DYNC1I1: variants seen among roughly 807,000 people sequenced by gnomAD.
DYNC1I1 encodes the protein dynein cytoplasmic 1 intermediate chain 1.
DYNC1I1 carries 43 observed loss-of-function variants against 86.6 expected under a neutral mutation model. That is an observed-to-expected ratio of 0.50 (90% CI 0.39 to 0.64). The LOEUF (loss-of-function observed/expected upper bound fraction) is 0.64. DYNC1I1 is among the 30% of genes least tolerant of loss of function. The pLI, the probability that DYNC1I1 is intolerant of heterozygous loss-of-function variation, is 0.00. For synonymous variants in DYNC1I1, 262 were observed against 283.7 expected (o/e 0.92, Z 0.77); for missense variants, 604 against 788.8 (o/e 0.77, Z 2.81).
At chr7:96,020,482 GC>G (rs1794516598) in intron 10 of DYNC1I1, among the ~76,000 whole-genome samples, 1 of 152,096 alleles carries the variant, frequency 6.6e-6, no homozygotes, top group South Asian at 2.1e-4. Context: ...GGAAAGACCT[GC>G]CCCCATGATC....
Position 96,084,429 on chromosome 7 carries a change from T to C in DYNC1I1, c.1776+3941T>C, listed in dbSNP as rs1250117353. Among the ~76,000 whole-genome samples the C allele has an allele frequency of 2.1e-5, 3 of 145,062 alleles. No homozygotes were observed. In the East Asian group the frequency reaches 6.5e-4, roughly 32 times the overall value. On this transcript the variant is annotated intron_variant, in intron 16 of 16. Transcript: ENST00000447467. The stretch of plus-strand genomic sequence containing the variant: ...CAATCTTCTCATTACCTGTTTCTCT[T>C]TTTTTTTCTTTTCTTTTTTTTTTTT...
chr7:96,051,091 AT>A (rs534995482), intron 14 of DYNC1I1, among the ~76,000 whole-genome samples: 3 of 151,986 alleles, frequency 2.0e-5, no homozygotes, highest in South Asian at 2.1e-4. Flanking sequence ...GTTTTGGATA[AT>A]TTTTTTTCCT....
At chr7:95,800,475 G>C (rs1794550761) in intron 1 of DYNC1I1, among the ~76,000 whole-genome samples, 1 of 152,136 alleles carries the variant, frequency 6.6e-6, no homozygotes, top group African/African-American at 2.4e-5. Flanking sequence ...AGTGAGGAAG[G>C]GGAGATGCCA....
intron 6 of DYNC1I1, among the ~76,000 whole-genome samples, chr7:95,938,233 C>CT (rs770299575): frequency 2.6e-5 from 4 of 152,162 alleles, no homozygotes; most frequent in Non-Finnish European, 4.4e-5. Context: ...GGTTGCATAT[C>CT]TTTGCTCACT....
At chr7:95,802,802 C>T (rs1390353103) in intron 1 of DYNC1I1, 1 of 152,226 alleles carries the variant, frequency 6.6e-6, no homozygotes, top group Non-Finnish European at 1.5e-5. Flanking sequence ...CAGGTATGAA[C>T]CACCACACCT....
intron 6 of DYNC1I1, among the ~76,000 whole-genome samples, chr7:95,873,791 C>T (rs10262887): frequency 0.21 from 32,447 of 152,126 alleles, 4,089 homozygotes; most frequent in African/African-American, 0.35. Flanking sequence ...TAGTGTAGAA[C>T]ATGGTTTGGA....
chr7:95,808,969 G>A (rs1794765493), intron 2 of DYNC1I1, among the ~76,000 whole-genome samples: 1 of 152,062 alleles, frequency 6.6e-6, no homozygotes, highest in East Asian at 1.9e-4. Flanking sequence ...ACTTGTTTCA[G>A]TAGTTTAAAT....
chr7:96,046,481 A>C lies in DYNC1I1; in HGVS notation c.1509+7060A>C, dbSNP rs73399046. ...TGAGTAGATGTTAGTATCCCATTTT[A>C]TATAAGAGGAAATAGGCACAAGAGA... On this transcript the variant is annotated intron_variant, in intron 14 of 16. Transcript: ENST00000447467. 1.0e-2 allele frequency among the ~76,000 whole-genome samples: 1,518 copies of C among 152,304 alleles called. 27 individuals are homozygous for C. Among genetic ancestry groups the C allele is most frequent in the African/African-American group, 0.035 (1,435 of 41,554 alleles).
chr7:95,890,251 A>C lies in DYNC1I1; in HGVS notation c.490+20253A>C, dbSNP rs188296704. Among the ~76,000 whole-genome samples the C allele has an allele frequency of 1.4e-3, 208 of 152,398 alleles. 2 individuals carry two copies. The highest frequency in any genetic ancestry group is 4.9e-3 in the African/African-American group (202 of 41,598). On this transcript the variant is annotated intron_variant, in intron 6 of 16. Coordinates refer to ENST00000447467, the MANE Select transcript of DYNC1I1 (RefSeq NM_001135556.2). ...ATATACCATGGAATACTATGCAGCCATAAAAAGAATGAGATTATGTCCTTT... is the reference window on the plus strand; with the variant it reads ...ATATACCATGGAATACTATGCAGCCCTAAAAAGAATGAGATTATGTCCTTT...
At chr7:95,958,497 G>A (rs750280119) in intron 6 of DYNC1I1, among the ~76,000 whole-genome samples, 1 of 152,000 alleles carries the variant, frequency 6.6e-6, no homozygotes, top group Non-Finnish European at 1.5e-5. Flanking sequence ...GGAGATCAAG[G>A]CTGCAGTGAG....
chr7:96,051,864 G>T (rs1317660216), intron 14 of DYNC1I1, among the ~76,000 whole-genome samples: 1 of 152,120 alleles, frequency 6.6e-6, no homozygotes, highest in Non-Finnish European at 1.5e-5. Context: ...TCCTGAGGAA[G>T]AACATTTGTT....
chr7:95,926,492 A>C (rs1356485928), intron 6 of DYNC1I1, among the ~76,000 whole-genome samples: 1 of 152,216 alleles, frequency 6.6e-6, no homozygotes, highest in Non-Finnish European at 1.5e-5. Flanking sequence ...ATGGTTACAA[A>C]AAATGATTAA....
intron 6 of DYNC1I1, among the ~76,000 whole-genome samples, chr7:95,971,115 G>T (rs865781335): frequency 6.6e-6 from 1 of 152,158 alleles, no homozygotes; most frequent in Non-Finnish European, 1.5e-5. Flanking sequence ...GGTGTGAGGT[G>T]CCCCTGAGAT....
Position 95,982,615 on chromosome 7 carries a change from T to C in DYNC1I1, c.581-2200T>C, listed in dbSNP as rs564153260. Among the ~76,000 whole-genome samples, 50 of 152,234 alleles carry C rather than the reference T, an allele frequency of 3.3e-4. 2 individuals are homozygous for C. Among genetic ancestry groups the C allele is most frequent in the African/African-American group, 1.1e-3 (47 of 41,544 alleles). ...AAAGATAAACAGAGACTAGAAAGAT[T>C]TTTTAATATCTTAAAAAATAAAGGA... On this transcript the variant is annotated intron_variant, in intron 7 of 16. Coordinates refer to ENST00000447467, the MANE Select transcript of DYNC1I1 (RefSeq NM_001135556.2).
At chr7:95,987,419 C>T (rs1002912938) in intron 9 of DYNC1I1, among the ~76,000 whole-genome samples, 3 of 152,184 alleles carry the variant, frequency 2.0e-5, no homozygotes, top group African/African-American at 7.2e-5. Flanking sequence ...TGATTTCCTA[C>T]TTGTCAAATC....
intron 16 of DYNC1I1, among the ~76,000 whole-genome samples, chr7:96,107,118 C>T (rs1181470580): frequency 6.6e-6 from 1 of 151,946 alleles, no homozygotes; most frequent in Non-Finnish European, 1.5e-5. Flanking sequence ...CCTCTGCCTC[C>T]CAGGTTCAAG....
rs374734634 is a variant in DYNC1I1 at position 95,840,707 on chromosome 7, A to G, written c.374+12591A>G. 2.8e-4 allele frequency among the ~76,000 whole-genome samples: 43 copies of G among 152,320 alleles called. 1 individual carries two copies. Among genetic ancestry groups the G allele is most frequent in the African/African-American group, 7.2e-4 (30 of 41,572 alleles). ...TGTCTATAAGAGTCAATCTTCATCC[A>G]TTAGGCTAGCTAGAGATTCTGGATG... On this transcript the variant is annotated intron_variant, in intron 5 of 16. Transcript: ENST00000447467.
chr7:95,918,384 T>G (rs1273296829), intron 6 of DYNC1I1, among the ~76,000 whole-genome samples: 1 of 152,166 alleles, frequency 6.6e-6, no homozygotes, highest in Non-Finnish European at 1.5e-5. Flanking sequence ...CTTTCAGCCA[T>G]TTCCTTTCTC....
intron 6 of DYNC1I1, among the ~76,000 whole-genome samples, chr7:95,939,515 C>T (rs374699615): frequency 6.6e-6 from 1 of 151,812 alleles, no homozygotes; most frequent in African/African-American, 2.4e-5. Flanking sequence ...GGATAATTAG[C>T]TCTTCTTGTT....
Sources: gnomAD v4.1 joint callset for allele counts (sites outside exome capture counted in the v4.1 genomes callset) on GRCh38, gnomAD v4.1.1 for gene constraint, MANE v1.5 for transcripts, NCBI Gene and HGNC (gene_info 2026-07-23, HGNC 2026-07-21) for gene names.